The following ASCC3 variants were observed in gnomAD, a reference collection of about 807,000 sequenced individuals.
The protein encoded by ASCC3 is activating signal cointegrator 1 complex subunit 3.
In ASCC3, 158 loss-of-function variants were observed where a neutral mutation model predicts 256.3. The ratio of observed to expected loss-of-function variants is 0.62; its 90% CI spans 0.54 to 0.70. The LOEUF (loss-of-function observed/expected upper bound fraction) is 0.70. ASCC3 is among the 30% of genes least tolerant of loss of function. ASCC3 has a pLI of 0.00. For synonymous variants in ASCC3, 948 were observed against 883.4 expected (o/e 1.07, Z -1.30); for missense variants, 2,259 against 2,626.0 (o/e 0.86, Z 3.05).
intron 34 of ASCC3, among the ~76,000 whole-genome samples, chr6:100,596,129 C>T (rs1364880455): frequency 6.6e-6 from 1 of 151,802 alleles, no homozygotes; most frequent in Admixed American, 6.6e-5. Context: ...TTTTATAATC[C>T]CAAGCAGTTA....
At chr6:100,652,591 T>C in intron 18 of ASCC3, 134 bp downstream of exon 18, 1 of 931,092 alleles carries the variant, frequency 1.1e-6, no homozygotes. Flanking sequence ...TTACTGAGGG[T>C]ATACTGTTGA....
chr6:100,858,251 A>G lies in ASCC3; in HGVS notation c.241+5813T>C, dbSNP rs191047827. On this transcript the variant is annotated intron_variant, in intron 3 of 41. Coordinates refer to ENST00000369162, the MANE Select transcript of ASCC3 (RefSeq NM_006828.4). ...TTTTTATATTAACCTTGTTAAATTC[A>G]TTTTCTACAGGTACAGTCATGTGAA... 5.5e-5 allele frequency: 30 copies of G among 548,882 alleles called. No individual in the cohort carries two copies. In the Admixed American group the frequency reaches 1.3e-3, roughly 24 times the overall value. The allele number at this position is 548,882 out of a possible 1,614,324, so 34.0% of individuals were successfully genotyped here.
At chr6:100,730,143 A>AC (rs1192995644) in intron 10 of ASCC3, among the ~76,000 whole-genome samples, 1 of 150,224 alleles carries the variant, frequency 6.7e-6, no homozygotes, top group Non-Finnish European at 1.5e-5. Context: ...CGCCTCCAGA[A>AC]AAAAAAAAAA....
intron 3 of ASCC3, among the ~76,000 whole-genome samples, chr6:100,852,139 C>T (rs983140577): frequency 2.0e-5 from 3 of 152,168 alleles, no homozygotes; most frequent in Non-Finnish European, 2.9e-5. Flanking sequence ...ACAGCCCACT[C>T]AGTGTTTTTT....
chr6:100,789,580 CTA>C (rs1450765186), intron 8 of ASCC3, among the ~76,000 whole-genome samples: 2 of 151,878 alleles, frequency 1.3e-5, no homozygotes, highest in Non-Finnish European at 2.9e-5. Flanking sequence ...TCTGATTCAT[CTA>C]TGTTTAATAA....
Position 100,627,637 on chromosome 6 carries a change from T to G in ASCC3, c.4595A>C (p.Gln1532Pro). The G allele has an allele frequency of 6.2e-7, 1 of 1,613,654 alleles. No homozygotes were observed. The highest frequency in any genetic ancestry group is 1.1e-5 in the South Asian group (1 of 91,078). The change falls in exon 29 of 42, where the codon CAA (glutamine) becomes CCA (proline). Residue 1532 changes from glutamine to proline, a missense_variant. This residue lies in a region of ASCC3 where 1,839 missense variants were observed against 2,206.7 expected (regional missense o/e 0.83). Transcript: ENST00000369162. ...ACTAGCCATACGAGGACAGTAATGT[T>G]GACCTGGAAAGCCTTGAATGTGAAC... Reference protein sequence around the residue: ...LEVHIQGFPGQHYCPRMASMN... With the variant: ...LEVHIQGFPGPHYCPRMASMN...
intron 10 of ASCC3, among the ~76,000 whole-genome samples, chr6:100,734,080 T>C (rs1313276887): frequency 1.3e-5 from 2 of 152,174 alleles, no homozygotes; most frequent in African/African-American, 4.8e-5. Context: ...TTCTCATTTT[T>C]CTTGTTCTGT....
chr6:100,582,067 G>C (rs368884829), intron 36 of ASCC3, among the ~76,000 whole-genome samples: 1 of 151,680 alleles, frequency 6.6e-6, no homozygotes, highest in African/African-American at 2.4e-5. Flanking sequence ...TTGGTGATGC[G>C]GGCTCTTTTT....
intron 10 of ASCC3, among the ~76,000 whole-genome samples, chr6:100,734,013 ATGT>A (rs1007760920): frequency 2.0e-5 from 3 of 152,222 alleles, no homozygotes; most frequent in African/African-American, 4.8e-5. Context: ...AGCTACAATG[ATGT>A]TGTCAGAGCG....
At chr6:100,704,097 C>G (rs1441510476) in intron 13 of ASCC3, among the ~76,000 whole-genome samples, 1 of 151,070 alleles carries the variant, frequency 6.6e-6, no homozygotes, top group Non-Finnish European at 1.5e-5. Context: ...TTCAATTTGA[C>G]AGAAGACTCA....
intron 14 of ASCC3, among the ~76,000 whole-genome samples, chr6:100,667,051 CA>C (rs1449890488): frequency 2.0e-5 from 3 of 152,106 alleles, no homozygotes; most frequent in African/African-American, 4.8e-5. Flanking sequence ...GTACAGGGAC[CA>C]AGATGAAACT....
chr6:100,879,252 G>A (rs1028223084), intron 1 of ASCC3, among the ~76,000 whole-genome samples: 2 of 152,178 alleles, frequency 1.3e-5, no homozygotes, highest in African/African-American at 4.8e-5. Context: ...TCAGCTTTCA[G>A]AAGCTTTATG....
intron 4 of ASCC3, among the ~76,000 whole-genome samples, chr6:100,841,536 T>C (rs1293584997): frequency 1.3e-5 from 2 of 152,236 alleles, no homozygotes; most frequent in African/African-American, 2.4e-5. Flanking sequence ...AGTTCCTAAA[T>C]TGGCAAAGCA....
intron 24 of ASCC3, 61 bp from the exon 25 acceptor site, chr6:100,638,882 T>C: frequency 7.9e-7 from 1 of 1,268,252 alleles, no homozygotes; most frequent in Admixed American, 1.7e-5. Context: ...TACTGAATAC[T>C]GTATTATAAA....
At chr6:100,619,181 A>T (rs1309690267) in intron 30 of ASCC3, among the ~76,000 whole-genome samples, 1 of 152,186 alleles carries the variant, frequency 6.6e-6, no homozygotes, top group African/African-American at 2.4e-5. Context: ...TTTTGAAATC[A>T]CAGACAAAAA....
chr6:100,577,505 G>A (rs1404106123), intron 36 of ASCC3, among the ~76,000 whole-genome samples: 1 of 152,042 alleles, frequency 6.6e-6, no homozygotes, highest in African/African-American at 2.4e-5. Flanking sequence ...GAGGCCACCG[G>A]AAATGTATAT....
At chr6:100,767,450 TAATTTGTACTTTCAC>T (rs1419935979) in intron 8 of ASCC3, 105 bp from the exon 9 acceptor site, 1 of 1,156,774 alleles carries the variant, frequency 8.6e-7, no homozygotes, top group African/African-American at 1.5e-5. Flanking sequence ...AAAAAAAGAC[TAATTTGTACTTTCAC>T]AATGTGTCTT....
Position 100,718,122 on chromosome 6 carries a change from G to A in ASCC3, c.2032C>T (p.Pro678Ser). ...GLFFFDGRFR[P>S]VPLGQTFLGI... is the part of the protein sequence containing the mutation. ...AAAAATGTCTGTCCAAGAGGTACTG[G>A]TCGAAAACGGCCATCAAAGAAGAAA... Residue 678 changes from proline to serine, a missense_variant, in exon 12 of 42, where the codon CCA becomes TCA. Pro to Ser is a moderately conservative substitution (Grantham distance 74, BLOSUM62 -1). Around this residue, in one of 2 missense-constraint regions of ASCC3, gnomAD observed 1,839 missense variants for 2,206.7 expected, o/e 0.83. Coordinates refer to ENST00000369162, the MANE Select transcript of ASCC3 (RefSeq NM_006828.4). The A allele has an allele frequency of 6.2e-7, 1 of 1,613,596 alleles. No individual in the cohort carries two copies. Among genetic ancestry groups the A allele is most frequent in the Admixed American group, 1.7e-5 (1 of 59,920 alleles).
In ASCC3 at chr6:100,584,818, T is replaced by G. The variant is rs571800643; in HGVS notation, c.5550+4816A>C. Among the ~76,000 whole-genome samples the G allele has an allele frequency of 2.4e-3, 373 of 152,266 alleles. 2 individuals carry two copies. The highest frequency in any genetic ancestry group is 3.4e-3 in the Middle Eastern group (1 of 294). ...TCTCAGCATTTGCTTGTCTGTAAAGTATTTTATTTCTCCTTCAGTTATGAA... is the reference window on the plus strand; with the variant it reads ...TCTCAGCATTTGCTTGTCTGTAAAGGATTTTATTTCTCCTTCAGTTATGAA... On this transcript the variant is annotated intron_variant, in intron 36 of 41. Coordinates refer to ENST00000369162, the MANE Select transcript of ASCC3 (RefSeq NM_006828.4).
Sources: gnomAD v4.1 joint callset for allele counts (sites outside exome capture counted in the v4.1 genomes callset) on GRCh38, gnomAD v4.1.1 for gene constraint, gnomAD v4.1.1 regional missense constraint, MANE v1.5 for transcripts, NCBI Gene and HGNC (gene_info 2026-07-23, HGNC 2026-07-21) for gene names.